SERPINA12: variants seen among roughly 807,000 people sequenced by gnomAD.
SERPINA12 encodes serpin family A member 12.
SERPINA12 carries 21 observed loss-of-function variants against 25.9 expected under a neutral mutation model. That is an observed-to-expected ratio of 0.81 (90% CI 0.58 to 1.17). SERPINA12 has a LOEUF of 1.17. Ranked by LOEUF, SERPINA12 falls within the 50% of genes most tolerant of loss-of-function variation. SERPINA12 has a pLI of 0.00. For synonymous variants in SERPINA12, 220 were observed against 196.0 expected (o/e 1.12, Z -1.02); for missense variants, 562 against 508.3 (o/e 1.11, Z -1.02).
At chr14:94,513,161 T>C (rs1197624446), upstream of SERPINA12, among the ~76,000 whole-genome samples, 1 of 152,208 alleles carries the variant, frequency 6.6e-6, no homozygotes, top group African/African-American at 2.4e-5. Context: ...AGCAGGCTGA[T>C]AGAAACCAAG....
upstream of SERPINA12, among the ~76,000 whole-genome samples, chr14:94,509,710 C>T (rs1901058982): frequency 6.6e-6 from 1 of 152,224 alleles, no homozygotes; most frequent in South Asian, 2.1e-4. Context: ...GCTAGGTACA[C>T]CCAAGGTGCT....
rs1455963195 is a variant in SERPINA12, at chr14:94,497,802, C to T, written c.596G>A (p.Gly199Asp). 6.2e-7 allele frequency: 1 copy of T among 1,607,472 alleles called. No homozygotes were observed. The highest frequency in any genetic ancestry group is 2.2e-5 in the East Asian group (1 of 44,794). ...INNLIENIDPGTVMLLANYIF... is the reference protein window; with the variant it reads ...INNLIENIDPDTVMLLANYIF... The stretch of plus-strand genomic sequence containing the variant: ...ATAATTTGCAAGAAGCATCACAGTG[C>T]CGGGGTCTATATTCTCGATCAGGTT... The change falls in exon 2 of 5, where the codon GGC (glycine) becomes GAC (aspartate). Residue 199 changes from glycine (G) to aspartate (D), a missense_variant. Coordinates refer to ENST00000677451, the MANE Select transcript of SERPINA12 (RefSeq NM_001382267.1).
chr14:94,488,230 C>T (rs1177462850), intron 4 of SERPINA12, among the ~76,000 whole-genome samples: 2 of 152,122 alleles, frequency 1.3e-5, no homozygotes, highest in Admixed American at 6.6e-5. Flanking sequence ...ATTCTAGTAA[C>T]TATGTTTCTT....
At chr14:94,505,474 T>C (rs1316042078) in intron 1 of SERPINA12, among the ~76,000 whole-genome samples, 3 of 152,170 alleles carry the variant, frequency 2.0e-5, no homozygotes, top group African/African-American at 7.2e-5. Flanking sequence ...AACGGCGAGA[T>C]GAGAGACTTC....
At chr14:94,509,526 G>A (rs147054476), upstream of SERPINA12, among the ~76,000 whole-genome samples, 3 of 152,158 alleles carry the variant, frequency 2.0e-5, no homozygotes, top group East Asian at 1.9e-4. Flanking sequence ...TCTGCCCAAC[G>A]ACCTACTAAG....
chr14:94,500,717 A>G (rs1370359497), intron 1 of SERPINA12, among the ~76,000 whole-genome samples: 2 of 152,198 alleles, frequency 1.3e-5, no homozygotes, highest in Non-Finnish European at 1.5e-5. Context: ...ACAAAGCCAT[A>G]GCACAAAGAG....
upstream of SERPINA12, among the ~76,000 whole-genome samples, chr14:94,514,441 G>A (rs572119994): frequency 1.3e-5 from 2 of 152,222 alleles, no homozygotes; most frequent in South Asian, 4.1e-4. Context: ...CCAGCCCCTG[G>A]TGGCTGTGAC....
chr14:94,508,761 C>G (rs1309126018), intron 1 of SERPINA12, among the ~76,000 whole-genome samples: 1 of 152,078 alleles, frequency 6.6e-6, no homozygotes, highest in Non-Finnish European at 1.5e-5. Context: ...TTATATATAT[C>G]AATAAGTAAC....
intron 1 of SERPINA12, among the ~76,000 whole-genome samples, chr14:94,501,783 C>A (rs998241741): frequency 1.3e-5 from 2 of 151,948 alleles, no homozygotes; most frequent in African/African-American, 4.8e-5. Context: ...CCTGCCCTGG[C>A]TCCCTGAGTG....
intron 3 of SERPINA12, among the ~76,000 whole-genome samples, chr14:94,494,539 C>T (rs2236240): frequency 0.11 from 15,976 of 152,128 alleles, 905 homozygotes; most frequent in Middle Eastern, 0.28. Flanking sequence ...TGCCATCCCT[C>T]GAGATCTGCA....
At chr14:94,488,294 G>C (rs978084633) in intron 4 of SERPINA12, among the ~76,000 whole-genome samples, 19 of 152,032 alleles carry the variant, frequency 1.2e-4, no homozygotes, top group African/African-American at 3.4e-4. Flanking sequence ...AGAGCAGCGG[G>C]CTCAGCTTGG....
chr14:94,501,666 G>GC (rs1173332271), intron 1 of SERPINA12, among the ~76,000 whole-genome samples: 10 of 46,284 alleles, frequency 2.2e-4, no homozygotes, highest in Admixed American at 4.5e-4. Flanking sequence ...CCACCTCCCC[G>GC]CCCCCCCACC....
At chr14:94,489,829 A>C in intron 3 of SERPINA12, 62 bp from the exon 4 acceptor site, 4 of 1,534,164 alleles carry the variant, frequency 2.6e-6, no homozygotes, top group Non-Finnish European at 3.6e-6. Flanking sequence ...GGCAAGCCTC[A>C]GGATACATGA....
At chr14:94,494,607 T>G (rs2139848973) in intron 3 of SERPINA12, among the ~76,000 whole-genome samples, 1 of 152,268 alleles carries the variant, frequency 6.6e-6, no homozygotes, top group South Asian at 2.1e-4. Flanking sequence ...GCAGCCACCC[T>G]AGGGCTTCAA....
At position 94,489,948 on chromosome 14, in the gene SERPINA12, C is replaced by T. The variant is rs1239846742; in HGVS notation, c.906-181G>A. On this transcript the variant is annotated intron_variant, in intron 3 of 4. Transcript: ENST00000677451. Reference sequence around the variant, plus strand: ...GACCCTGGTTTCAAAACACCATAAGCTCTCTGAACCGTGTCCCTGCCTCCC... The same window carrying T: ...GACCCTGGTTTCAAAACACCATAAGTTCTCTGAACCGTGTCCCTGCCTCCC... Among the ~76,000 whole-genome samples the T allele has an allele frequency of 3.9e-5, 6 of 152,158 alleles. No individual in the cohort carries two copies. In the South Asian group the frequency reaches 8.3e-4, roughly 21 times the overall value.
intron 3 of SERPINA12, among the ~76,000 whole-genome samples, chr14:94,491,846 T>C (rs557974693): frequency 7.3e-5 from 11 of 151,242 alleles, no homozygotes; most frequent in Non-Finnish European, 1.5e-4. Context: ...AACAGAAAGA[T>C]CCACGACTCT....
At chr14:94,490,720 C>T (rs1266848200) in intron 3 of SERPINA12, among the ~76,000 whole-genome samples, 5 of 152,126 alleles carry the variant, frequency 3.3e-5, no homozygotes, top group African/African-American at 2.4e-5. Flanking sequence ...CCACTCCAGT[C>T]GGCTCTTTGA....
intron 1 of SERPINA12, among the ~76,000 whole-genome samples, chr14:94,508,928 G>A (rs190128151): frequency 2.0e-5 from 3 of 152,148 alleles, no homozygotes; most frequent in East Asian, 1.9e-4. Flanking sequence ...TAGTAGATAC[G>A]GTTATTCATA....
upstream of SERPINA12, chr14:94,510,187 T>G: frequency 2.0e-6 from 2 of 985,440 alleles, no homozygotes; most frequent in Non-Finnish European, 2.4e-6. Flanking sequence ...GAGACTGCAT[T>G]GGATCTGTGG....
Sources: gnomAD v4.1 joint callset for allele counts (sites outside exome capture counted in the v4.1 genomes callset) on GRCh38, gnomAD v4.1.1 for gene constraint, MANE v1.5 for transcripts, NCBI Gene and HGNC (gene_info 2026-07-23, HGNC 2026-07-21) for gene names.